Variants in PLIN5 observed in about 807,000 individuals in gnomAD.
PLIN5 encodes the protein perilipin 5.
A neutral mutation model predicts 32.8 loss-of-function variants in PLIN5; 34 were observed. The observed-to-expected ratio is 1.04, with a 90% CI of 0.79 to 1.38. The LOEUF is 1.38. Among genes scored for constraint, PLIN5 ranks in the 40% most tolerant of loss-of-function variants. PLIN5 has a pLI of 0.00. For missense variants in PLIN5, 712 were observed against 660.5 expected, an observed-to-expected ratio of 1.08 and a Z score of -0.85; for synonymous variants, 309 against 292.9, an observed-to-expected ratio of 1.05 and a Z score of -0.56.
chr19:4,531,982 G>T (rs891672824), intron 2 of PLIN5, among the ~76,000 whole-genome samples, 160 bp from the exon 3 acceptor site: 1 of 152,264 alleles, frequency 6.6e-6, no homozygotes, highest in African/African-American at 2.4e-5. Flanking sequence ...AAACGTGGAT[G>T]TGAGAATGTC....
chr19:4,526,738 G>C (rs1599761908), intron 5 of PLIN5, among the ~76,000 whole-genome samples: 2 of 151,974 alleles, frequency 1.3e-5, no homozygotes, highest in Non-Finnish European at 2.9e-5. Flanking sequence ...TGTGCCTATA[G>C]TCCCAGCTGC....
At chr19:4,533,491 GC>G (rs1233784322) in intron 2 of PLIN5, 1 of 170,982 alleles carries the variant, frequency 5.8e-6, no homozygotes, top group African/African-American at 2.4e-5. Flanking sequence ...TCAGAGCACT[GC>G]CCCTGGAGCA....
chr19:4,527,966 G>T (rs1193893987), intron 5 of PLIN5, among the ~76,000 whole-genome samples: 1 of 150,870 alleles, frequency 6.6e-6, no homozygotes, highest in African/African-American at 2.4e-5. Context: ...CTCAAGTGCA[G>T]TGGTGCGATC....
intron 5 of PLIN5, among the ~76,000 whole-genome samples, chr19:4,528,022 G>A (rs1358306908): frequency 6.6e-6 from 1 of 151,276 alleles, no homozygotes; most frequent in Non-Finnish European, 1.5e-5. Flanking sequence ...CCATTCTCCT[G>A]CCTCAGCCTC....
At chr19:4,528,205 G>A (rs1035667132) in intron 5 of PLIN5, among the ~76,000 whole-genome samples, 5 of 142,194 alleles carry the variant, frequency 3.5e-5, no homozygotes, top group East Asian at 1.9e-4. Context: ...CACCGTGCCC[G>A]GCCGCCTCCC....
At chr19:4,524,218 A>G (rs1005391085) in intron 7 of PLIN5, 133 bp from the exon 8 acceptor site, 3 of 897,572 alleles carry the variant, frequency 3.3e-6, no homozygotes, top group African/African-American at 3.5e-5. Context: ...TCCCCTGTAG[A>G]CACAGAATGT....
chr19:4,534,185 C>G, intron 1 of PLIN5, 90 bp from the exon 2 acceptor site: 1 of 1,078,972 alleles, frequency 9.3e-7, no homozygotes, highest in Non-Finnish European at 1.4e-6. Flanking sequence ...TCTCAAACCT[C>G]TTGGGGCCTC....
rs568983743 is a variant in PLIN5 at position 4,525,945 on chromosome 19, G to A, written c.521-113C>T. Reference sequence around the variant, plus strand: ...CGGGGACAGCACGGGGACAGGATACGGGGACAGCACGGGGACAGCATGGGG... The same window carrying A: ...CGGGGACAGCACGGGGACAGGATACAGGGACAGCACGGGGACAGCATGGGG... On this transcript the variant is annotated intron_variant, in intron 5 of 7. Transcript: ENST00000381848. This position sits in a 1 kb window ranked among gnomAD's most constrained non-coding sequence, Gnocchi z 5.6. 1.8e-5 allele frequency: 12 copies of A among 661,964 alleles called. No homozygotes were observed. The highest frequency in any genetic ancestry group is 1.5e-4 in the South Asian group (8 of 53,088). 41.0% of individuals were successfully genotyped at this position (661,964 alleles called of 1,614,324 possible). A position where few individuals can be genotyped will look rare whatever the true frequency, so the allele number is the denominator to read the frequency against.
chr19:4,527,242 A>AT lies in PLIN5; in HGVS notation c.521-1411dup, dbSNP rs547002634. On this transcript the variant is annotated intron_variant, in intron 5 of 7. Coordinates refer to ENST00000381848, the MANE Select transcript of PLIN5 (RefSeq NM_001013706.3). ...AGGCACCCGCCACCACGCCCGGCCA[A>AT]TTTTTTGTATTTTTAGTAGAGACGG... Among the ~76,000 whole-genome samples the AT allele has an allele frequency of 5.3e-3, 811 of 151,626 alleles. 9 individuals carry two copies. Among genetic ancestry groups the AT allele is most frequent in the South Asian group, 0.013 (64 of 4,762 alleles).
intron 7 of PLIN5, 23 bp from the exon 8 acceptor site, chr19:4,524,108 T>C (rs1976769185): frequency 6.4e-6 from 9 of 1,395,938 alleles, no homozygotes; most frequent in East Asian, 2.9e-5. Context: ...GGGACCTCAG[T>C]TTCCCCTATG....
At position 4,525,866 on chromosome 19, in the gene PLIN5, A is replaced by AGCACGG. The variant is rs1465362478; in HGVS notation, c.521-35_521-34insCCGTGC. 4.7e-6 allele frequency: 7 copies of AGCACGG among 1,480,646 alleles called. No individual in the cohort carries two copies. The African/African-American group carries it at 1.5e-4, about 31-fold the overall frequency. The allele number at this position is 1,480,646 out of a possible 1,614,324, so 91.7% of individuals were successfully genotyped here. A position where few individuals can be genotyped will look rare whatever the true frequency, so the allele number is the denominator to read the frequency against. On this transcript the variant is annotated intron_variant, in intron 5 of 7. Transcript: ENST00000381848. This position sits in a 1 kb window ranked among gnomAD's most constrained non-coding sequence, Gnocchi z 5.6. Reference sequence around the variant, plus strand: ...CAGGATACGGGGACAGCACGGGGACAGGATACGGGGACAGCACGGGGACAG... The same window carrying AGCACGG: ...CAGGATACGGGGACAGCACGGGGACAGCACGGGGATACGGGGACAGCACGGGGACAG...
At position 4,523,762 on chromosome 19, in the gene PLIN5, G is replaced by C. The variant is rs753711245; in HGVS notation, c.1158C>G (p.Pro386=). 5.6e-6 allele frequency: 9 copies of C among 1,599,444 alleles called. No homozygotes were observed. The highest frequency in any genetic ancestry group is 7.6e-6 in the Non-Finnish European group (9 of 1,179,426). ...GGTCCGCCAGGTCGGGCAGGGGCTC[G>C]GGTCGCTCCACAAGGATGGGCGCGA... The part of the protein sequence containing the change: ...GPFAPILVER[P]EPLPDLADLV... The change falls in exon 8 of 8, where the codon CCC becomes CCG. Residue 386 remains proline (P), a synonymous_variant. Transcript: ENST00000381848. This position sits in a 1 kb window ranked among gnomAD's most constrained non-coding sequence, Gnocchi z 5.0.
At chr19:4,529,608 T>TACACAC (rs768882689) in intron 4 of PLIN5, 176 bp downstream of exon 4, 19 of 328,518 alleles carry the variant, frequency 5.8e-5, no homozygotes, top group South Asian at 2.0e-4. Flanking sequence ...TACATATATG[T>TACACAC]ATACACACAC....
rs567767497 is a variant in PLIN5 at position 4,523,977 on chromosome 19, T to G, written c.943A>C (p.Lys315Gln). ...VRGLPAGAQEKVAEVRRSVDA... is the reference protein window; with the variant it reads ...VRGLPAGAQEQVAEVRRSVDA... ...ACACTGCGCCGCACCTCAGCCACCTTCTCCTGGGCGCCGGCGGGCAGGCCC... is the reference window on the plus strand; with the variant it reads ...ACACTGCGCCGCACCTCAGCCACCTGCTCCTGGGCGCCGGCGGGCAGGCCC... Residue 315 changes from lysine (K) to glutamine (Q), a missense_variant, in exon 8 of 8, where the codon AAG becomes CAG. Lys to Gln is a moderately conservative substitution (Grantham distance 53). Transcript: ENST00000381848. This position sits in a 1 kb window ranked among gnomAD's most constrained non-coding sequence, Gnocchi z 5.0. The G allele has an allele frequency of 6.9e-5, 105 of 1,524,876 alleles. 1 individual carries two copies. In the South Asian group the frequency reaches 1.2e-3, roughly 18 times the overall value. 94.5% of individuals were successfully genotyped at this position (1,524,876 alleles called of 1,614,324 possible). A position where few individuals can be genotyped will look rare whatever the true frequency, so the allele number is the denominator to read the frequency against.
chr19:4,523,733 A>ACCAGGTCCG lies in PLIN5; in HGVS notation c.1178_1186dup (p.Ala393_Leu395dup), dbSNP rs777399581. On this transcript the variant is annotated inframe_insertion, in exon 8 of 8. Transcript: ENST00000381848. The surrounding 1 kb of genome is among the most constrained non-coding windows in gnomAD (Gnocchi z 5.0). ...GTCAGGGCCCCCGATGACCTCGTCC[A>ACCAGGTCCG]CCAGGTCCGCCAGGTCGGGCAGGGG... 3.7e-6 allele frequency: 6 copies of ACCAGGTCCG among 1,601,540 alleles called. No homozygotes were observed. Among genetic ancestry groups the ACCAGGTCCG allele is most frequent in the Middle Eastern group, 1.6e-4 (1 of 6,080 alleles).
intron 4 of PLIN5, 192 bp from the exon 5 acceptor site, chr19:4,529,445 G>T (rs747415426): frequency 1.1e-4 from 63 of 599,514 alleles, no homozygotes; most frequent in Non-Finnish European, 1.2e-4. Context: ...GCCCTTACTA[G>T]CAATACATAT....
At chr19:4,533,781 G>A (rs904287568) in intron 2 of PLIN5, 1 of 585,064 alleles carries the variant, frequency 1.7e-6, no homozygotes, top group African/African-American at 1.9e-5. Context: ...GGAAAGGGTT[G>A]GGTAGGGGCC....
intron 7 of PLIN5, 33 bp from the exon 8 acceptor site, chr19:4,524,118 G>A (rs1451240357): frequency 7.2e-7 from 1 of 1,390,980 alleles, no homozygotes; most frequent in East Asian, 2.9e-5. Flanking sequence ...TTTCCCCTAT[G>A]GACGCCCAGG....
intron 3 of PLIN5, 94 bp downstream of exon 3, chr19:4,531,533 G>T: frequency 7.8e-7 from 1 of 1,277,720 alleles, no homozygotes; most frequent in Non-Finnish European, 1.0e-6. Flanking sequence ...ATGACCCCCA[G>T]GAGTGTCATG....
Sources: gnomAD v4.1 joint callset for allele counts (sites outside exome capture counted in the v4.1 genomes callset) on GRCh38, gnomAD v4.1.1 for gene constraint, Gnocchi (gnomAD v3.1) non-coding constraint, MANE v1.5 for transcripts, NCBI Gene and HGNC (gene_info 2026-07-23, HGNC 2026-07-21) for gene names.